Variants in TTC17 observed in about 807,000 individuals in gnomAD.
TTC17 encodes the protein tetratricopeptide repeat protein 17.
TTC17 carries 58 observed loss-of-function variants against 143.8 expected under a neutral mutation model. The ratio of observed to expected loss-of-function variants is 0.40; its 90% CI spans 0.33 to 0.50. TTC17 has a LOEUF of 0.50. Ranked by LOEUF, TTC17 falls within the 20% of genes least tolerant of loss-of-function variation. The pLI is 0.49. For synonymous variants in TTC17, 501 were observed against 497.8 expected (o/e 1.01, Z -0.09); for missense variants, 1,273 against 1,392.5 (o/e 0.91, Z 1.37).
intron 2 of TTC17, among the ~76,000 whole-genome samples, 158 bp downstream of exon 2, chr11:43,379,480 GTT>G (rs35337370): frequency 3.3e-5 from 5 of 152,088 alleles, no homozygotes; most frequent in African/African-American, 9.6e-5. Context: ...GTGTGTGTGT[GTT>G]TTTTCTTTAT....
intron 16 of TTC17, among the ~76,000 whole-genome samples, chr11:43,430,704 T>TACACGCAC (rs1947134535): frequency 2.0e-5 from 1 of 50,340 alleles, no homozygotes; most frequent in Non-Finnish European, 4.4e-5. Flanking sequence ...ATCCCCTACA[T>TACACGCAC]ACACGCACAC....
At chr11:43,407,720 G>A in intron 15 of TTC17, 143 bp downstream of exon 15, 2 of 739,908 alleles carry the variant, frequency 2.7e-6, no homozygotes, top group Non-Finnish European at 4.1e-6. Flanking sequence ...TCAAGAGAGT[G>A]TGAAAAAGCT....
intron 16 of TTC17, 30 bp from the exon 17 acceptor site, chr11:43,443,295 T>C (rs1389063479): frequency 6.2e-7 from 1 of 1,610,038 alleles, no homozygotes; most frequent in Admixed American, 1.7e-5. Context: ...CTGTGTACCT[T>C]TTACTAACGT....
intron 1 of TTC17, among the ~76,000 whole-genome samples, chr11:43,368,456 T>G (rs936287704): frequency 6.6e-6 from 1 of 152,158 alleles, no homozygotes; most frequent in African/African-American, 2.4e-5. Context: ...TTTGGTATCT[T>G]CTTGACTCTT....
intron 16 of TTC17, among the ~76,000 whole-genome samples, chr11:43,433,566 T>G (rs1230618744): frequency 6.6e-6 from 1 of 152,146 alleles, no homozygotes. Flanking sequence ...GAGTTTGAGG[T>G]CATGCAGAAG....
chr11:43,381,624 A>C (rs1590329173), intron 2 of TTC17, among the ~76,000 whole-genome samples: 1 of 152,238 alleles, frequency 6.6e-6, no homozygotes, highest in East Asian at 1.9e-4. Flanking sequence ...CAATAGTTCA[A>C]TAATTACATC....
chr11:43,466,005 T>G (rs1206456268), intron 21 of TTC17, among the ~76,000 whole-genome samples: 1 of 152,198 alleles, frequency 6.6e-6, no homozygotes, highest in Non-Finnish European at 1.5e-5. Context: ...GCCTACAGAC[T>G]AGGAGAAAAT....
At position 43,407,159 on chromosome 11, in the gene TTC17, A is replaced by C. The variant is rs142816995; in HGVS notation, c.1783A>C (p.Asn595His). 47 of 1,592,718 alleles carry C rather than the reference A, an allele frequency of 3.0e-5. No individual in the cohort carries two copies. Among genetic ancestry groups the C allele is most frequent in the Non-Finnish European group, 3.6e-5 (42 of 1,173,264 alleles). ...TCAGATTTTGCTTTCCCGTATTAAT[A>C]ACTATACTATCCCAGAAGAAGAAAT... ...ARKILLSRINNYTIPEEEIGS... is the reference protein window; with the variant it reads ...ARKILLSRINHYTIPEEEIGS... The change falls in exon 14 of 24, where the codon AAC becomes CAC. Residue 595 changes from asparagine to histidine, a missense_variant. Coordinates refer to ENST00000039989, the MANE Select transcript of TTC17 (RefSeq NM_018259.6).
chr11:43,467,524 G>T (rs1024046634), intron 21 of TTC17, among the ~76,000 whole-genome samples: 1 of 152,208 alleles, frequency 6.6e-6, no homozygotes, highest in African/African-American at 2.4e-5. Context: ...GAGGAAGGGG[G>T]TGTGAAAAGT....
chr11:43,449,360 C>G (rs2134749489), intron 19 of TTC17: 1 of 152,252 alleles, frequency 6.6e-6, no homozygotes, highest in East Asian at 1.9e-4. Flanking sequence ...CATACTAAAC[C>G]TTCTGGCCTC....
At chr11:43,454,017 C>T (rs1947715023) in intron 21 of TTC17, among the ~76,000 whole-genome samples, 2 of 152,056 alleles carry the variant, frequency 1.3e-5, no homozygotes, top group African/African-American at 4.8e-5. Flanking sequence ...TACTGTATAC[C>T]CATTGCTTTC....
chr11:43,431,535 G>A (rs1377123056), intron 16 of TTC17, among the ~76,000 whole-genome samples: 1 of 152,202 alleles, frequency 6.6e-6, no homozygotes, highest in African/African-American at 2.4e-5. Flanking sequence ...GAGATTCTGA[G>A]TTGGCTATAA....
chr11:43,369,281 G>C (rs966329984), intron 1 of TTC17, among the ~76,000 whole-genome samples: 6 of 152,308 alleles, frequency 3.9e-5, no homozygotes, highest in Admixed American at 2.0e-4. Context: ...GGAGAATGGT[G>C]ATTGTTTACA....
chr11:43,371,757 A>G (rs185683794), intron 1 of TTC17, among the ~76,000 whole-genome samples: 1 of 152,320 alleles, frequency 6.6e-6, no homozygotes, highest in African/African-American at 2.4e-5. Flanking sequence ...GCTGCCAGCC[A>G]TCAGTCAACT....
In TTC17 at chr11:43,359,001, G is replaced by T; in HGVS notation, c.47G>T (p.Cys16Phe). The T allele has an allele frequency of 1.9e-6, 3 of 1,585,974 alleles. No homozygotes were observed. The highest frequency in any genetic ancestry group is 1.7e-6 in the Non-Finnish European group (2 of 1,166,790). Residue 16 changes from cysteine (C) to phenylalanine (F), a missense_variant, in exon 1 of 24, where the codon TGC (cysteine) becomes TTC (phenylalanine). Transcript: ENST00000039989. ...GVRGRYELPP[C>F]SGPGWLLSLS... ...CGTGGCCGGTACGAGCTGCCGCCTTGCTCCGGCCCAGGCTGGCTCCTCAGC... is the reference window on the plus strand; with the variant it reads ...CGTGGCCGGTACGAGCTGCCGCCTTTCTCCGGCCCAGGCTGGCTCCTCAGC...
intron 16 of TTC17, among the ~76,000 whole-genome samples, chr11:43,439,782 C>G (rs886173782): frequency 6.6e-6 from 1 of 151,978 alleles, no homozygotes; most frequent in African/African-American, 2.4e-5. Flanking sequence ...GTAGCTTCAT[C>G]TCTTAACACT....
In TTC17 at chr11:43,400,954, G is replaced by T. The variant is rs538385254; in HGVS notation, c.1220-492G>T. Reference sequence around the variant, plus strand: ...AAAGCCTCTTAACCTTTGGCACTTAGCTGTGACCATTTATAGTTTATTTTA... The same window carrying T: ...AAAGCCTCTTAACCTTTGGCACTTATCTGTGACCATTTATAGTTTATTTTA... On this transcript the variant is annotated intron_variant, in intron 9 of 23. Coordinates refer to ENST00000039989, the MANE Select transcript of TTC17 (RefSeq NM_018259.6). Among the ~76,000 whole-genome samples the T allele has an allele frequency of 1.1e-4, 17 of 152,286 alleles. 1 individual carries two copies. The highest frequency in any genetic ancestry group is 3.4e-3 in the Middle Eastern group (1 of 294).
chr11:43,485,571 T>C (rs1948364136), intron 21 of TTC17, among the ~76,000 whole-genome samples: 1 of 152,202 alleles, frequency 6.6e-6, no homozygotes, highest in Non-Finnish European at 1.5e-5. Flanking sequence ...GCAACACATT[T>C]AATCTACAAA....
chr11:43,489,338 A>T (rs186822585), intron 21 of TTC17, among the ~76,000 whole-genome samples: 4 of 152,276 alleles, frequency 2.6e-5, no homozygotes, highest in African/African-American at 9.6e-5. Flanking sequence ...TTAAAACCAC[A>T]TTTCTCACCC....
Sources: gnomAD v4.1 joint callset for allele counts (sites outside exome capture counted in the v4.1 genomes callset) on GRCh38, gnomAD v4.1.1 for gene constraint, MANE v1.5 for transcripts, NCBI Gene and HGNC (gene_info 2026-07-23, HGNC 2026-07-21) for gene names.